Variants in MSRA observed in about 807,000 individuals in gnomAD.
MSRA encodes the protein mitochondrial peptide methionine sulfoxide reductase.
MSRA carries 54 observed loss-of-function variants against 31.3 expected under a neutral mutation model. The observed-to-expected ratio is 1.73, with a 90% CI of 1.39 to 2.17. MSRA has a LOEUF of 2.17. Among genes scored for constraint, MSRA ranks in the 30% most tolerant of loss-of-function variants. The pLI is 0.00. For synonymous variants in MSRA, 169 were observed against 116.5 expected (o/e 1.45, Z -2.90); for missense variants, 507 against 300.9 (o/e 1.69, Z -5.07).
chr8:10,284,752 T>C (rs1585365000), intron 3 of MSRA, among the ~76,000 whole-genome samples: 1 of 152,246 alleles, frequency 6.6e-6, no homozygotes, highest in East Asian at 1.9e-4. Flanking sequence ...GGCTGTGCCA[T>C]GTAACCTCTC....
intron 3 of MSRA, among the ~76,000 whole-genome samples, chr8:10,252,131 AC>A (rs1206252577): frequency 6.6e-6 from 1 of 152,090 alleles, no homozygotes. Flanking sequence ...ATGTTGGGAA[AC>A]CTCCAAGACT....
chr8:10,241,539 C>T (rs1011351225), intron 2 of MSRA, among the ~76,000 whole-genome samples: 8 of 152,178 alleles, frequency 5.3e-5, no homozygotes, highest in African/African-American at 1.9e-4. Flanking sequence ...TTCCCTGTCC[C>T]ATGTGAATTG....
At chr8:10,179,323 CT>C (rs1806336503) in intron 1 of MSRA, among the ~76,000 whole-genome samples, 3 of 152,298 alleles carry the variant, frequency 2.0e-5, no homozygotes. Context: ...GGTTCATCTT[CT>C]CTTTCTAATC....
intron 5 of MSRA, among the ~76,000 whole-genome samples, chr8:10,369,395 G>C (rs1171155786): frequency 6.6e-6 from 1 of 152,086 alleles, no homozygotes; most frequent in Non-Finnish European, 1.5e-5. Context: ...TGCAGACAAA[G>C]TACCCAACGA....
chr8:10,225,505 G>A (rs1810916333), intron 2 of MSRA, among the ~76,000 whole-genome samples: 1 of 152,184 alleles, frequency 6.6e-6, no homozygotes, highest in African/African-American at 2.4e-5. Flanking sequence ...GTCGATAGAA[G>A]TGGGAAAAAT....
chr8:10,417,754 T>TTGTGTGTGTGTGTGTGTGTGTGTGTGTG lies in MSRA; in HGVS notation c.544-10369_544-10368insGTGTGTGTGTGTGTGTGTGTGTGTGTGT, dbSNP rs113437676. Among the ~76,000 whole-genome samples the TTGTGTGTGTGTGTGTGTGTGTGTGTGTG allele has an allele frequency of 2.5e-3, 323 of 129,902 alleles. 25 individuals carry two copies. The highest frequency in any genetic ancestry group is 4.3e-3 in the African/African-American group (151 of 35,190). 85.2% of individuals were successfully genotyped at this position (129,902 alleles called of 152,430 possible). A position where few individuals can be genotyped will look rare whatever the true frequency, so the allele number is the denominator to read the frequency against. On this transcript the variant is annotated intron_variant, in intron 5 of 5. Transcript: ENST00000317173. ...TGTCTGGGCTTATTAAACCTGCATG[T>TTGTGTGTGTGTGTGTGTGTGTGTGTGTG]TGTGTGTGTGTGTGTGTGTGTGTGT... is the stretch of plus-strand genomic sequence containing the variant.
chr8:10,239,453 C>A (rs1812221096), intron 2 of MSRA, among the ~76,000 whole-genome samples: 1 of 152,192 alleles, frequency 6.6e-6, no homozygotes, highest in Non-Finnish European at 1.5e-5. Flanking sequence ...AGCCACCACC[C>A]CTGGCTCGAA....
At chr8:10,150,638 G>A (rs999828315) in intron 1 of MSRA, among the ~76,000 whole-genome samples, 2 of 152,030 alleles carry the variant, frequency 1.3e-5, no homozygotes, top group Non-Finnish European at 2.9e-5. Context: ...TTATGGCCTC[G>A]TTTGATTGAC....
intron 1 of MSRA, among the ~76,000 whole-genome samples, chr8:10,207,042 T>TGCTGTGTG (rs1809052345): frequency 6.6e-6 from 1 of 152,212 alleles, no homozygotes; most frequent in Non-Finnish European, 1.5e-5. Context: ...GTTTTCCACA[T>TGCTGTGTG]AAGTGCTCCT....
chr8:10,334,573 C>T (rs1802909261), intron 5 of MSRA, among the ~76,000 whole-genome samples: 1 of 152,134 alleles, frequency 6.6e-6, no homozygotes, highest in African/African-American at 2.4e-5. Context: ...CCCGAGCTCC[C>T]CGGCCTGCGC....
chr8:10,164,613 T>G (rs1450012446), intron 1 of MSRA, among the ~76,000 whole-genome samples: 2 of 152,208 alleles, frequency 1.3e-5, no homozygotes, highest in African/African-American at 4.8e-5. Flanking sequence ...CCTAATAGAC[T>G]TTTTATGCTT....
chr8:10,385,395 G>A (rs757335057), intron 5 of MSRA, among the ~76,000 whole-genome samples: 7 of 152,358 alleles, frequency 4.6e-5, no homozygotes, highest in South Asian at 2.1e-4. Context: ...GAGTTCAAAG[G>A]AATCTGAGTA....
chr8:10,245,129 A>T lies in MSRA; in HGVS notation c.237A>T (p.Glu79Asp). 1 of 1,613,472 alleles carries T rather than the reference A, an allele frequency of 6.2e-7. No homozygotes were observed. Among genetic ancestry groups the T allele is most frequent in the Non-Finnish European group, 8.5e-7 (1 of 1,179,822 alleles). Reference sequence around the variant, plus strand: ...GAATGGGATGTTTCTGGGGAGCTGAAAGGAAATTCTGGGTCTTGAAAGGAG... The same window carrying T: ...GAATGGGATGTTTCTGGGGAGCTGATAGGAAATTCTGGGTCTTGAAAGGAG... ...VFGMGCFWGA[E>D]RKFWVLKGVY... is the part of the protein sequence containing the mutation. The change falls in exon 3 of 6, where the codon GAA (glutamate) becomes GAT (aspartate). Residue 79 changes from glutamate to aspartate, a missense_variant. Glu to Asp is a conservative substitution (Grantham distance 45). Transcript: ENST00000317173.
chr8:10,103,300 A>G (rs1164065395), intron 1 of MSRA, among the ~76,000 whole-genome samples: 1 of 152,216 alleles, frequency 6.6e-6, no homozygotes, highest in Non-Finnish European at 1.5e-5. Context: ...ATTCTGTTTC[A>G]TTTGTGAATT....
At chr8:10,245,918 A>T (rs1319959648) in intron 3 of MSRA, among the ~76,000 whole-genome samples, 2 of 152,226 alleles carry the variant, frequency 1.3e-5, no homozygotes, top group Non-Finnish European at 2.9e-5. Context: ...TATTTCAACA[A>T]TCTACCGCAT....
intron 1 of MSRA, among the ~76,000 whole-genome samples, chr8:10,203,439 C>T (rs879534863): frequency 5.3e-5 from 8 of 152,258 alleles, no homozygotes; most frequent in Admixed American, 5.2e-4. Flanking sequence ...AATGTTTTGA[C>T]CAACAAGGGA....
intron 5 of MSRA, among the ~76,000 whole-genome samples, chr8:10,387,369 CA>C (rs144406330): frequency 0.02 from 2,989 of 152,242 alleles, 53 homozygotes; most frequent in African/African-American, 0.045. Context: ...ATAAACTGAA[CA>C]GAAATCAACA....
At chr8:10,219,860 T>C (rs1810335827) in intron 2 of MSRA, among the ~76,000 whole-genome samples, 1 of 149,316 alleles carries the variant, frequency 6.7e-6, no homozygotes, top group African/African-American at 2.5e-5. Flanking sequence ...AATGTACACC[T>C]TTTTGGTTTT....
At chr8:10,086,255 A>G (rs576916759) in intron 1 of MSRA, among the ~76,000 whole-genome samples, 2 of 152,312 alleles carry the variant, frequency 1.3e-5, no homozygotes, top group Non-Finnish European at 2.9e-5. Context: ...TGAATTGAAG[A>G]TGACTCTTGG....
Sources: gnomAD v4.1 joint callset for allele counts (sites outside exome capture counted in the v4.1 genomes callset) on GRCh38, gnomAD v4.1.1 for gene constraint, MANE v1.5 for transcripts, NCBI Gene and HGNC (gene_info 2026-07-23, HGNC 2026-07-21) for gene names.